The following EPHB1 variants were observed in gnomAD, a reference collection of about 807,000 sequenced individuals.
EPHB1 encodes the protein EPH receptor B1, also known as ephrin type-B receptor 1.
In EPHB1, 30 loss-of-function variants were observed where a neutral mutation model predicts 94.4. The observed-to-expected ratio is 0.32, with a 90% CI of 0.24 to 0.43. The LOEUF (loss-of-function observed/expected upper bound fraction) is 0.43, where lower values mean the gene tolerates loss of function less well. Ranked by LOEUF, EPHB1 falls within the 20% of genes least tolerant of loss-of-function variation. EPHB1 has a pLI of 1.00. For missense variants in EPHB1, 1,055 were observed against 1,308.3 expected (o/e 0.81, Z 2.99); for synonymous variants, 522 against 489.1 (o/e 1.07, Z -0.89).
intron 4 of EPHB1, among the ~76,000 whole-genome samples, chr3:135,132,472 C>G (rs549235492): frequency 2.4e-4 from 37 of 152,268 alleles, no homozygotes; most frequent in African/African-American, 8.9e-4. Context: ...TCCCTTGGCA[C>G]ACATGATTGA....
At chr3:134,973,425 CTTTTTTTTTTTT>C (rs10664147) in intron 3 of EPHB1, among the ~76,000 whole-genome samples, 1 of 91,012 alleles carries the variant, frequency 1.1e-5, no homozygotes, top group Non-Finnish European at 2.0e-5. Flanking sequence ...GTCTTCTAGT[CTTTTTTTTTTTT>C]TTTTTTTTTT....
chr3:135,070,358 C>T (rs1937663463), intron 3 of EPHB1, among the ~76,000 whole-genome samples: 1 of 152,194 alleles, frequency 6.6e-6, no homozygotes, highest in African/African-American at 2.4e-5. Context: ...AGCAATGAAA[C>T]TCTGTGAAAC....
intron 4 of EPHB1, among the ~76,000 whole-genome samples, chr3:135,118,821 G>A (rs1209913827): frequency 2.0e-5 from 3 of 152,172 alleles, no homozygotes; most frequent in Admixed American, 2.0e-4. Flanking sequence ...ATGGGTGAGT[G>A]TTTGGGCCCA....
At chr3:135,190,675 A>C (rs1408839119) in intron 10 of EPHB1, among the ~76,000 whole-genome samples, 2 of 152,378 alleles carry the variant, frequency 1.3e-5, no homozygotes, top group South Asian at 2.1e-4. Flanking sequence ...ATAGAAGATG[A>C]TGCTGCAGTA....
chr3:134,975,970 T>A (rs1934175004), intron 3 of EPHB1, among the ~76,000 whole-genome samples: 1 of 152,062 alleles, frequency 6.6e-6, no homozygotes, highest in African/African-American at 2.4e-5. Context: ...TAAGATGATA[T>A]GTGGCTGAAG....
chr3:134,990,786 G>A (rs1934768746), intron 3 of EPHB1, among the ~76,000 whole-genome samples: 1 of 152,094 alleles, frequency 6.6e-6, no homozygotes, highest in Non-Finnish European at 1.5e-5. Flanking sequence ...TTTAAAAAAT[G>A]TTTTTGATCC....
At chr3:134,807,176 G>A (rs1374007754) in intron 1 of EPHB1, among the ~76,000 whole-genome samples, 1 of 152,202 alleles carries the variant, frequency 6.6e-6, no homozygotes, top group African/African-American at 2.4e-5. Context: ...AATGGGGAGT[G>A]AGAGCAGAGA....
intron 1 of EPHB1, chr3:134,823,793 A>G (rs1161066859): frequency 6.6e-6 from 1 of 152,250 alleles, no homozygotes; most frequent in Non-Finnish European, 1.5e-5. Flanking sequence ...TTTATTGCCT[A>G]AAGTTAGAAG....
At position 135,156,322 on chromosome 3, in the gene EPHB1, G is replaced by A. The variant is rs72979534; in HGVS notation, c.1422+2046G>A. Among the ~76,000 whole-genome samples, 558 of 152,230 alleles carry A rather than the reference G, an allele frequency of 3.7e-3. 3 individuals carry two copies. Among genetic ancestry groups the A allele is most frequent in the African/African-American group, 0.012 (516 of 41,540 alleles). On this transcript the variant is annotated intron_variant, in intron 6 of 15. Transcript: ENST00000398015. ...GATGATAAGAAAGTCCTGAGCCTGGGTGAGGTCTTGCAGTGGGTCAATGGA... is the reference window on the plus strand; with the variant it reads ...GATGATAAGAAAGTCCTGAGCCTGGATGAGGTCTTGCAGTGGGTCAATGGA...
chr3:135,164,806 CAAAAA>C (rs59870139), intron 7 of EPHB1, among the ~76,000 whole-genome samples: 2 of 86,406 alleles, frequency 2.3e-5, no homozygotes, highest in African/African-American at 4.7e-5. Flanking sequence ...AAGACTGTCT[CAAAAA>C]AAAAAAAAAA....
chr3:134,945,597 C>T (rs959596392), intron 2 of EPHB1, among the ~76,000 whole-genome samples: 1 of 152,202 alleles, frequency 6.6e-6, no homozygotes, highest in Non-Finnish European at 1.5e-5. Context: ...CATCAATAGG[C>T]TTGGGCAGTG....
Position 135,198,366 on chromosome 3 carries a change from A to G in EPHB1, c.2131-3108A>G, listed in dbSNP as rs955789774. Among the ~76,000 whole-genome samples the G allele has an allele frequency of 1.2e-4, 18 of 152,338 alleles. No homozygotes were observed. In the East Asian group the frequency reaches 3.5e-3, roughly 29 times the overall value. On this transcript the variant is annotated intron_variant, in intron 11 of 15. Coordinates refer to ENST00000398015, the MANE Select transcript of EPHB1 (RefSeq NM_004441.5). ...TAATATTGCCTGTCTTGCCTACTGC[A>G]CAGGACTGGTTTTAAGGATCTAAAC...
intron 3 of EPHB1, among the ~76,000 whole-genome samples, chr3:135,051,260 A>G (rs1426651705): frequency 6.6e-6 from 1 of 152,162 alleles, no homozygotes; most frequent in Admixed American, 6.5e-5. Flanking sequence ...GAGAACTGCT[A>G]TAAGGAAGGG....
chr3:134,953,503 C>T (rs904281454), intron 3 of EPHB1, among the ~76,000 whole-genome samples: 3 of 152,232 alleles, frequency 2.0e-5, no homozygotes, highest in Admixed American at 6.5e-5. Context: ...CTCTTTGTCC[C>T]ATTGGTTGGG....
intron 1 of EPHB1, among the ~76,000 whole-genome samples, chr3:134,886,899 T>A (rs2037873688): frequency 6.6e-6 from 1 of 152,066 alleles, no homozygotes; most frequent in Non-Finnish European, 1.5e-5. Context: ...CTGTTACAAA[T>A]TGATTAAAAT....
At chr3:135,227,126 A>G (rs1191051101) in intron 12 of EPHB1, among the ~76,000 whole-genome samples, 2 of 152,246 alleles carry the variant, frequency 1.3e-5, no homozygotes, top group Non-Finnish European at 2.9e-5. Context: ...TACACCTAAA[A>G]TAAAATCATC....
chr3:135,003,693 G>A lies in EPHB1; in HGVS notation c.805+51641G>A, dbSNP rs941877340. On this transcript the variant is annotated intron_variant, in intron 3 of 15. Transcript: ENST00000398015. ...GATAGTTAGCTCTTCTTGCTGAATT[G>A]ATCCCTTTACCATTATGTAATGGCC... Among the ~76,000 whole-genome samples the A allele has an allele frequency of 2.6e-5, 4 of 152,248 alleles. No homozygotes were observed. In the East Asian group the frequency reaches 7.7e-4, roughly 29 times the overall value.
chr3:135,094,302 C>A (rs937826402), intron 3 of EPHB1, among the ~76,000 whole-genome samples: 4 of 152,226 alleles, frequency 2.6e-5, no homozygotes, highest in South Asian at 2.1e-4. Flanking sequence ...CCAGGCCCTG[C>A]CCCTTCCCAG....
intron 13 of EPHB1, among the ~76,000 whole-genome samples, chr3:135,245,829 A>T (rs1943909625): frequency 6.6e-6 from 1 of 150,430 alleles, no homozygotes; most frequent in Non-Finnish European, 1.5e-5. Context: ...AAAAAAAAAA[A>T]GCCAATGAGA....
Sources: allele counts gnomAD v4.1 joint callset (sites outside exome capture counted in the v4.1 genomes callset), GRCh38; gene constraint gnomAD v4.1.1; transcripts MANE v1.5; gene names NCBI Gene and HGNC (gene_info 2026-07-23, HGNC 2026-07-21).